The following SLC13A1 variants were observed in gnomAD, a reference collection of about 807,000 sequenced individuals.
SLC13A1 encodes the protein solute carrier family 13 member 1.
A neutral mutation model predicts 70.0 loss-of-function variants in SLC13A1; 65 were observed. That is an observed-to-expected ratio of 0.93 (90% CI 0.76 to 1.14). The LOEUF (loss-of-function observed/expected upper bound fraction) is 1.14. SLC13A1 is among the 50% of genes most tolerant of loss of function. SLC13A1 has a pLI of 0.00. For synonymous variants in SLC13A1, 275 were observed against 250.5 expected (o/e 1.10, Z -0.92); for missense variants, 726 against 717.8 (o/e 1.01, Z -0.13).
chr7:123,128,555 G>A (rs1793642901), intron 10 of SLC13A1, among the ~76,000 whole-genome samples: 1 of 152,054 alleles, frequency 6.6e-6, no homozygotes, highest in Non-Finnish European at 1.5e-5. Context: ...TATATTTCAG[G>A]GATGGGAATA....
intron 14 of SLC13A1, 50 bp downstream of exon 14, chr7:123,117,421 C>G (rs1793214764): frequency 6.3e-7 from 1 of 1,579,108 alleles, no homozygotes; most frequent in South Asian, 1.1e-5. Flanking sequence ...AGACATGGCA[C>G]ACACCAAGAT....
rs141177666 is a variant in SLC13A1, at chr7:123,139,887, A to C, written c.813-5358T>G. On this transcript the variant is annotated intron_variant, in intron 7 of 14. Transcript: ENST00000194130. ...GGATACTTTGACTTTTTCCTTTCCAATTTGGGTGCCTTTTTAACTTTCTCT... is the reference window on the plus strand; with the variant it reads ...GGATACTTTGACTTTTTCCTTTCCACTTTGGGTGCCTTTTTAACTTTCTCT... Among the ~76,000 whole-genome samples the C allele has an allele frequency of 6.3e-3, 965 of 152,016 alleles. 8 individuals carry two copies. Among genetic ancestry groups the C allele is most frequent in the African/African-American group, 0.022 (909 of 41,498 alleles).
At chr7:123,153,181 C>T (rs561833783) in intron 6 of SLC13A1, among the ~76,000 whole-genome samples, 2 of 151,962 alleles carry the variant, frequency 1.3e-5, no homozygotes, top group South Asian at 4.1e-4. Context: ...AAAACAGAAA[C>T]AGGTTAATAT....
chr7:123,159,584 T>A (rs1794818239), intron 6 of SLC13A1, among the ~76,000 whole-genome samples: 2 of 152,164 alleles, frequency 1.3e-5, no homozygotes. Flanking sequence ...TACTATTTTG[T>A]TATGGCAATC....
chr7:123,115,974 T>A (rs966453165), intron 14 of SLC13A1, among the ~76,000 whole-genome samples: 3 of 152,128 alleles, frequency 2.0e-5, no homozygotes, highest in Non-Finnish European at 1.5e-5. Context: ...CTCAGAGAAG[T>A]TCCTCTTAGG....
intron 14 of SLC13A1, 23 bp downstream of exon 14, chr7:123,117,447 TA>T: frequency 6.2e-7 from 1 of 1,602,392 alleles, no homozygotes; most frequent in Non-Finnish European, 8.5e-7. Context: ...TTGGATTTGA[TA>T]GTATTTTTTT....
intron 2 of SLC13A1, among the ~76,000 whole-genome samples, chr7:123,178,725 T>C (rs550009019): frequency 6.6e-6 from 1 of 152,250 alleles, no homozygotes; most frequent in South Asian, 2.1e-4. Flanking sequence ...GGATCACAAG[T>C]CTGAGAACAG....
At chr7:123,132,219 C>T (rs1305658654) in intron 8 of SLC13A1, among the ~76,000 whole-genome samples, 2 of 152,146 alleles carry the variant, frequency 1.3e-5, no homozygotes, top group East Asian at 1.9e-4. Context: ...TTTTAATCAT[C>T]AGTACCATCT....
chr7:123,154,751 T>C (rs147958059), intron 6 of SLC13A1, among the ~76,000 whole-genome samples: 135 of 152,236 alleles, frequency 8.9e-4, no homozygotes, highest in African/African-American at 3.2e-3. Context: ...AATCAAGTGA[T>C]AGGATACCTA....
At chr7:123,198,786 G>C (rs1796263164) in intron 1 of SLC13A1, among the ~76,000 whole-genome samples, 1 of 152,008 alleles carries the variant, frequency 6.6e-6, no homozygotes, top group Non-Finnish European at 1.5e-5. Context: ...TTAGAGGAGA[G>C]CATCAGCAGG....
rs142269005 is a variant in SLC13A1, at chr7:123,129,530, C to G, written c.933-49G>C. 136 of 1,362,092 alleles carry G rather than the reference C, an allele frequency of 1.0e-4. No individual in the cohort carries two copies. In the African/African-American group the frequency reaches 1.7e-3, roughly 17 times the overall value. The allele number at this position is 1,362,092 out of a possible 1,614,324, so 84.4% of individuals were successfully genotyped here. On this transcript the variant is annotated intron_variant, in intron 8 of 14. Transcript: ENST00000194130. ...AAGCAAGAAATTCTTTTACTACCAC[C>G]TCCCTGTAAGGAAGATATTTTTGTA...
intron 4 of SLC13A1, 45 bp from the exon 5 acceptor site, chr7:123,168,606 A>T: frequency 6.9e-7 from 1 of 1,457,784 alleles, no homozygotes. Flanking sequence ...ATAAGGGATT[A>T]TCATTGGGTT....
chr7:123,148,386 C>T (rs146237256), intron 6 of SLC13A1: 2 of 382,364 alleles, frequency 5.2e-6, no homozygotes, highest in East Asian at 8.5e-5. Flanking sequence ...ACCTCAGTCA[C>T]CCCACCCCCA....
At chr7:123,117,716 T>C (rs775019385) in intron 13 of SLC13A1, 108 bp from the exon 14 acceptor site, 13 of 555,746 alleles carry the variant, frequency 2.3e-5, no homozygotes, top group Non-Finnish European at 4.0e-5. Flanking sequence ...TGTTGGAACC[T>C]AATGATATAA....
intron 8 of SLC13A1, among the ~76,000 whole-genome samples, chr7:123,131,421 A>G (rs535469892): frequency 2.0e-4 from 30 of 152,290 alleles, no homozygotes; most frequent in African/African-American, 7.2e-4. Context: ...GTTGCAGACA[A>G]TAAATAGTTA....
At chr7:123,197,717 A>T (rs1010146409) in intron 1 of SLC13A1, among the ~76,000 whole-genome samples, 1 of 152,154 alleles carries the variant, frequency 6.6e-6, no homozygotes, top group Non-Finnish European at 1.5e-5. Context: ...CACCAGATGC[A>T]ACTTGGTGCC....
intron 14 of SLC13A1, 132 bp downstream of exon 14, chr7:123,117,339 T>C: frequency 1.2e-6 from 1 of 825,484 alleles, no homozygotes; most frequent in East Asian, 2.6e-5. Flanking sequence ...TCATGCACAC[T>C]GCATTCATAA....
At chr7:123,137,196 C>G (rs1205089024) in intron 7 of SLC13A1, among the ~76,000 whole-genome samples, 1 of 151,930 alleles carries the variant, frequency 6.6e-6, no homozygotes, top group Non-Finnish European at 1.5e-5. Context: ...AGAGTGGAAA[C>G]TGTGTGATGT....
At chr7:123,145,101 A>G (rs1794304863) in intron 7 of SLC13A1, among the ~76,000 whole-genome samples, 1 of 152,172 alleles carries the variant, frequency 6.6e-6, no homozygotes, top group Non-Finnish European at 1.5e-5. Context: ...GAGATTTTTA[A>G]CAGCCATGGC....
Sources: allele counts gnomAD v4.1 joint callset (sites outside exome capture counted in the v4.1 genomes callset), GRCh38; gene constraint gnomAD v4.1.1; transcripts MANE v1.5; gene names NCBI Gene and HGNC (gene_info 2026-07-23, HGNC 2026-07-21).